The following CSMD1 variants were observed in gnomAD, a reference collection of about 807,000 sequenced individuals.
The protein encoded by CSMD1 is CUB and sushi domain-containing protein 1.
Under a neutral mutation model 417.5 loss-of-function variants are expected in CSMD1, and 213 were observed. The observed-to-expected ratio is 0.51, with a 90% CI of 0.46 to 0.57. The LOEUF is 0.57. Among genes scored for constraint, CSMD1 ranks in the 20% least tolerant of loss-of-function variants. The pLI is 0.00. For missense variants in CSMD1, 6,923 were observed against 4,529.7 expected (o/e 1.53, Z -15.17); for synonymous variants, 2,862 against 1,736.8 (o/e 1.65, Z -16.11).
At chr8:4,726,696 C>T (rs1465271231) in intron 1 of CSMD1, among the ~76,000 whole-genome samples, 3 of 152,186 alleles carry the variant, frequency 2.0e-5, no homozygotes, top group Non-Finnish European at 4.4e-5. Flanking sequence ...TTCATCAGTT[C>T]TAATTTTATT....
intron 7 of CSMD1, among the ~76,000 whole-genome samples, chr8:3,683,609 A>C (rs1799783373): frequency 6.6e-6 from 1 of 152,212 alleles, no homozygotes; most frequent in South Asian, 2.1e-4. Flanking sequence ...TTCTTCTGCC[A>C]GGTCTTCCGC....
At chr8:4,403,787 C>T (rs1295220088) in intron 3 of CSMD1, among the ~76,000 whole-genome samples, 1 of 152,154 alleles carries the variant, frequency 6.6e-6, no homozygotes, top group East Asian at 1.9e-4. Context: ...GATCCTCTCT[C>T]CTGGACTTCA....
At position 3,733,842 on chromosome 8, in the gene CSMD1, T is replaced by G. The variant is rs577491984; in HGVS notation, c.931+20088A>C. On this transcript the variant is annotated intron_variant, in intron 6 of 69. Transcript: ENST00000635120. ...ACTTTATTATTAGTTATTGTTTATCTCATATGTGCCCCGTTTATAAATTAA... is the reference window on the plus strand; with the variant it reads ...ACTTTATTATTAGTTATTGTTTATCGCATATGTGCCCCGTTTATAAATTAA... Among the ~76,000 whole-genome samples, 3 of 152,304 alleles carry G rather than the reference T, an allele frequency of 2.0e-5. No individual in the cohort carries two copies. The South Asian group carries it at 6.2e-4, about 32-fold the overall frequency.
At chr8:3,548,657 CAT>C (rs1424854462) in intron 10 of CSMD1, among the ~76,000 whole-genome samples, 9 of 124,462 alleles carry the variant, frequency 7.2e-5, no homozygotes, top group Non-Finnish European at 1.4e-4. Flanking sequence ...GGTATTCCAT[CAT>C]ACACACACAC....
chr8:4,727,224 A>C (rs1158302439), intron 1 of CSMD1, among the ~76,000 whole-genome samples: 1 of 152,182 alleles, frequency 6.6e-6, no homozygotes, highest in African/African-American at 2.4e-5. Context: ...GAGTCCACTC[A>C]GCAGGGCACC....
chr8:3,882,154 A>C (rs2129121708), intron 5 of CSMD1, among the ~76,000 whole-genome samples: 1 of 152,336 alleles, frequency 6.6e-6, no homozygotes, highest in East Asian at 1.9e-4. Flanking sequence ...TCCTCCACCA[A>C]GATTTGTGTA....
chr8:4,421,635 G>A (rs556961449), intron 2 of CSMD1, among the ~76,000 whole-genome samples: 1 of 151,918 alleles, frequency 6.6e-6, no homozygotes, highest in Non-Finnish European at 1.5e-5. Flanking sequence ...CAGATAAACT[G>A]AATGAAAATA....
intron 5 of CSMD1, among the ~76,000 whole-genome samples, chr8:3,760,576 A>T (rs945946509): frequency 6.6e-6 from 1 of 152,214 alleles, no homozygotes; most frequent in Non-Finnish European, 1.5e-5. Flanking sequence ...CATTGTTCTA[A>T]CATTTTACAG....
intron 7 of CSMD1, among the ~76,000 whole-genome samples, chr8:3,652,130 C>T (rs1292422432): frequency 3.9e-5 from 5 of 129,498 alleles, no homozygotes; most frequent in African/African-American, 1.3e-4. Flanking sequence ...CATCAGAGCG[C>T]TTACCACCAT....
intron 1 of CSMD1, among the ~76,000 whole-genome samples, chr8:4,746,433 G>C (rs976623048): frequency 1.3e-5 from 2 of 152,288 alleles, no homozygotes; most frequent in East Asian, 1.9e-4. Context: ...TCTTGCGAAT[G>C]GAAGTGGACT....
chr8:4,064,317 A>G (rs1321999346), intron 3 of CSMD1, among the ~76,000 whole-genome samples: 2 of 152,272 alleles, frequency 1.3e-5, no homozygotes, highest in South Asian at 4.1e-4. Context: ...TGGGCTCCAT[A>G]TGGTGTTTCA....
chr8:3,269,680 CA>C (rs1202847899), intron 26 of CSMD1, among the ~76,000 whole-genome samples: 1 of 152,150 alleles, frequency 6.6e-6, no homozygotes, highest in Non-Finnish European at 1.5e-5. Context: ...ATTTAACCCC[CA>C]GAGTAAAGGT....
intron 23 of CSMD1, among the ~76,000 whole-genome samples, chr8:3,309,784 T>C (rs1025792979): frequency 3.9e-5 from 6 of 152,196 alleles, no homozygotes; most frequent in Non-Finnish European, 8.8e-5. Flanking sequence ...TGCCCTTCCA[T>C]TGAGGAAAAT....
chr8:4,925,220 T>TTTTG (rs1806775152), intron 1 of CSMD1, among the ~76,000 whole-genome samples: 1 of 132,606 alleles, frequency 7.5e-6, no homozygotes, highest in Non-Finnish European at 1.6e-5. Context: ...TTATGGTTTT[T>TTTTG]TTTTTTTTTT....
intron 5 of CSMD1, among the ~76,000 whole-genome samples, chr8:3,915,693 C>A (rs185723364): frequency 6.6e-6 from 1 of 151,212 alleles, no homozygotes; most frequent in South Asian, 2.1e-4. Context: ...AGAACTCTAT[C>A]TCTGTTATAA....
chr8:4,536,741 A>G (rs1044972207), intron 2 of CSMD1, among the ~76,000 whole-genome samples: 3 of 152,220 alleles, frequency 2.0e-5, no homozygotes, highest in Non-Finnish European at 4.4e-5. Flanking sequence ...TTTCAACAGC[A>G]TATATTTTTG....
chr8:3,931,583 C>T (rs1810142717), intron 5 of CSMD1, among the ~76,000 whole-genome samples: 2 of 149,750 alleles, frequency 1.3e-5, no homozygotes, highest in African/African-American at 2.5e-5. Flanking sequence ...CAGTCAGTGC[C>T]ATGAATTGCC....
At chr8:4,108,613 G>C (rs1442926661) in intron 3 of CSMD1, among the ~76,000 whole-genome samples, 4 of 152,136 alleles carry the variant, frequency 2.6e-5, no homozygotes, top group Non-Finnish European at 4.4e-5. Context: ...ACAGGTTCCC[G>C]GCCCGAGAGT....
chr8:3,494,379 A>G (rs1444438679), intron 10 of CSMD1, among the ~76,000 whole-genome samples: 1 of 152,202 alleles, frequency 6.6e-6, no homozygotes, highest in African/African-American at 2.4e-5. Context: ...TTCTCCTGAA[A>G]GAAGAAATGC....
Sources: allele counts gnomAD v4.1 joint callset (sites outside exome capture counted in the v4.1 genomes callset), GRCh38; gene constraint gnomAD v4.1.1; transcripts MANE v1.5; gene names NCBI Gene and HGNC (gene_info 2026-07-23, HGNC 2026-07-21).